KLHL2: variants seen among roughly 807,000 people sequenced by gnomAD.
KLHL2 encodes kelch-like protein 2.
Under a neutral mutation model 75.8 loss-of-function variants are expected in KLHL2, and 15 were observed. That is an observed-to-expected ratio of 0.20 (90% CI 0.13 to 0.30). The LOEUF is 0.30. Among genes scored for constraint, KLHL2 ranks in the 10% least tolerant of loss-of-function variants. KLHL2 has a pLI of 1.00. For synonymous variants in KLHL2, 214 were observed against 251.9 expected, an observed-to-expected ratio of 0.85 and a Z score of 1.42; for missense variants, 381 against 741.0, an observed-to-expected ratio of 0.51 and a Z score of 5.64.
intron 3 of KLHL2, among the ~76,000 whole-genome samples, chr4:165,231,617 C>T (rs1017465866): frequency 6.6e-6 from 1 of 152,178 alleles, no homozygotes; most frequent in Non-Finnish European, 1.5e-5. Flanking sequence ...TGCTAAATAG[C>T]ATTCTCTGTG....
In KLHL2 at chr4:165,279,386, G is replaced by A; in HGVS notation, c.545-14973G>A. The A allele has an allele frequency of 1.9e-6, 3 of 1,585,170 alleles. No individual in the cohort carries two copies. In the East Asian group the frequency reaches 6.7e-5, roughly 35 times the overall value. On this transcript the variant is annotated intron_variant, in intron 5 of 14. Transcript: ENST00000226725. The stretch of plus-strand genomic sequence containing the variant: ...TTCCCTCTGGTTGCTGACACCAATA[G>A]CTTTTATGTTGGAAATACCAATATT...
chr4:165,235,039 G>A (rs1739222414), intron 3 of KLHL2, among the ~76,000 whole-genome samples: 1 of 152,160 alleles, frequency 6.6e-6, no homozygotes, highest in South Asian at 2.1e-4. Context: ...GCTAGTGAAA[G>A]TGCTTGGCTC....
chr4:165,235,315 C>T (rs1202660777), intron 3 of KLHL2, among the ~76,000 whole-genome samples: 1 of 152,228 alleles, frequency 6.6e-6, no homozygotes, highest in Non-Finnish European at 1.5e-5. Context: ...ATTCTCCTGC[C>T]TCAGCCTCTC....
At chr4:165,270,198 T>C (rs1742576966) in intron 5 of KLHL2, among the ~76,000 whole-genome samples, 1 of 152,154 alleles carries the variant, frequency 6.6e-6, no homozygotes, top group African/African-American at 2.4e-5. Context: ...CTCTACACTG[T>C]TTATTCTAGT....
In KLHL2 at chr4:165,319,487, G is replaced by GGT. The variant is rs1488790667; in HGVS notation, c.1753+1519_1753+1520dup. On this transcript the variant is annotated intron_variant, in intron 14 of 14. Transcript: ENST00000226725. This position sits in a 1 kb window ranked among gnomAD's most constrained non-coding sequence, Gnocchi z 4.5. Reference sequence around the variant, plus strand: ...ACCATTTCAAAATAAATGAATCCAGGGTAGGGATCATTGTAAAAAGGAAAA... The same window carrying GGT: ...ACCATTTCAAAATAAATGAATCCAGGGTGTAGGGATCATTGTAAAAAGGAAAA... Among the ~76,000 whole-genome samples the GGT allele has an allele frequency of 6.6e-6, 1 of 152,096 alleles. No homozygotes were observed. The highest frequency in any genetic ancestry group is 1.5e-5 in the Non-Finnish European group (1 of 68,038).
chr4:165,241,521 A>G (rs546338964), intron 4 of KLHL2, among the ~76,000 whole-genome samples: 14 of 152,182 alleles, frequency 9.2e-5, no homozygotes, highest in African/African-American at 2.4e-4. Context: ...CTGTAATTCA[A>G]ATGTTTCTTG....
At chr4:165,285,432 G>A (rs924294990) in intron 5 of KLHL2, among the ~76,000 whole-genome samples, 2 of 151,746 alleles carry the variant, frequency 1.3e-5, no homozygotes, top group Non-Finnish European at 2.9e-5. Flanking sequence ...TTGAGATGGA[G>A]TTTCGTTCTT....
intron 4 of KLHL2, among the ~76,000 whole-genome samples, chr4:165,253,734 G>A (rs1158604719): frequency 6.6e-6 from 1 of 152,144 alleles, no homozygotes; most frequent in Admixed American, 6.5e-5. Flanking sequence ...ATTATAATAG[G>A]TTAGTTTTCC....
chr4:165,248,226 T>G (rs1740419108), intron 4 of KLHL2, among the ~76,000 whole-genome samples: 1 of 152,078 alleles, frequency 6.6e-6, no homozygotes, highest in African/African-American at 2.4e-5. Flanking sequence ...AACCGAGATG[T>G]TCTATTTGGA....
intron 11 of KLHL2, among the ~76,000 whole-genome samples, chr4:165,312,115 C>T (rs527803783): frequency 3.3e-5 from 5 of 152,082 alleles, no homozygotes; most frequent in Non-Finnish European, 5.9e-5. Context: ...AATCTAATGC[C>T]GCTGCTGATC....
intron 1 of KLHL2, chr4:165,210,212 G>A: frequency 1.9e-6 from 3 of 1,542,124 alleles, no homozygotes; most frequent in Non-Finnish European, 2.6e-6. Flanking sequence ...CATTCAATGT[G>A]CAAATATTTG....
Position 165,250,255 on chromosome 4 carries a change from A to G in KLHL2, c.381+11356A>G, listed in dbSNP as rs147036460. Among the ~76,000 whole-genome samples, 980 of 152,370 alleles carry G rather than the reference A, an allele frequency of 6.4e-3. 5 individuals are homozygous for G. Among genetic ancestry groups the G allele is most frequent in the Non-Finnish European group, 0.011 (721 of 68,032 alleles). ...CTCCACCCATTTTGAGTGGATGACCATGCTTCATTCGTAGCCACACATCTA... is the reference window on the plus strand; with the variant it reads ...CTCCACCCATTTTGAGTGGATGACCGTGCTTCATTCGTAGCCACACATCTA... On this transcript the variant is annotated intron_variant, in intron 4 of 14. Coordinates refer to ENST00000226725, the MANE Select transcript of KLHL2 (RefSeq NM_007246.4).
chr4:165,273,530 T>TG (rs1742851374), intron 5 of KLHL2, among the ~76,000 whole-genome samples: 1 of 152,158 alleles, frequency 6.6e-6, no homozygotes, highest in South Asian at 2.1e-4. Flanking sequence ...AGTTGAATCA[T>TG]GGGGGGCAGG....
chr4:165,258,961 A>G (rs1244107262), intron 4 of KLHL2, among the ~76,000 whole-genome samples: 8 of 151,856 alleles, frequency 5.3e-5, no homozygotes, highest in African/African-American at 1.9e-4. Flanking sequence ...TGCTGATGCT[A>G]TTAAATTTTT....
intron 1 of KLHL2, among the ~76,000 whole-genome samples, chr4:165,208,768 G>A (rs1454837362): frequency 6.6e-6 from 1 of 152,116 alleles, no homozygotes; most frequent in Non-Finnish European, 1.5e-5. Flanking sequence ...AGGAACAAGA[G>A]TCCTTTGAAT....
intron 4 of KLHL2, among the ~76,000 whole-genome samples, chr4:165,254,745 G>A (rs1037032561): frequency 2.0e-5 from 3 of 152,000 alleles, no homozygotes; most frequent in African/African-American, 7.3e-5. Context: ...TAACTAATGA[G>A]GCATCAAATA....
At chr4:165,285,757 G>A (rs1426513781) in intron 5 of KLHL2, among the ~76,000 whole-genome samples, 2 of 140,118 alleles carry the variant, frequency 1.4e-5, no homozygotes, top group African/African-American at 2.8e-5. Context: ...AAATGGTTAC[G>A]GTGGTAAATT....
Position 165,313,272 on chromosome 4 carries a change from A to C in KLHL2, c.1374A>C (p.Ala458=), listed in dbSNP as rs375518093. Reference sequence around the variant, plus strand: ...ATGCTGTAGGAGGTTATGATGGAGCATCACGTCAGTGTCTTAGCACAGTAG... The same window carrying C: ...ATGCTGTAGGAGGTTATGATGGAGCCTCACGTCAGTGTCTTAGCACAGTAG... ...LLYAVGGYDG[A]SRQCLSTVEC... Residue 458 remains alanine (A), a synonymous_variant, in exon 12 of 15, where the codon GCA becomes GCC. Transcript: ENST00000226725. The C allele has an allele frequency of 6.2e-7, 1 of 1,610,706 alleles. No individual in the cohort carries two copies. The highest frequency in any genetic ancestry group is 1.3e-5 in the African/African-American group (1 of 74,580).
chr4:165,284,763 A>G (rs1032807078), intron 5 of KLHL2, among the ~76,000 whole-genome samples: 6 of 152,192 alleles, frequency 3.9e-5, no homozygotes, highest in Admixed American at 2.6e-4. Flanking sequence ...CACTGCTGAT[A>G]AAGACATATC....
Sources: allele counts gnomAD v4.1 joint callset (sites outside exome capture counted in the v4.1 genomes callset), GRCh38; gene constraint gnomAD v4.1.1; non-coding constraint Gnocchi (gnomAD v3.1); transcripts MANE v1.5; gene names NCBI Gene and HGNC (gene_info 2026-07-23, HGNC 2026-07-21).